Variants in CACNA1G observed in about 807,000 individuals in gnomAD.
CACNA1G encodes calcium voltage-gated channel subunit alpha1 G, also known as voltage-dependent T-type calcium channel subunit alpha-1G.
CACNA1G carries 67 observed loss-of-function variants against 219.4 expected under a neutral mutation model. That is an observed-to-expected ratio of 0.31 (90% CI 0.25 to 0.37). The LOEUF (loss-of-function observed/expected upper bound fraction) is 0.37. Among genes scored for constraint, CACNA1G ranks in the 10% least tolerant of loss-of-function variants. The pLI, the probability that CACNA1G is intolerant of heterozygous loss-of-function variation, is 1.00. For missense variants in CACNA1G, 2,380 were observed against 3,231.4 expected (o/e 0.74, Z 6.39); for synonymous variants, 1,296 against 1,345.3 (o/e 0.96, Z 0.80).
In CACNA1G at chr17:50,600,683, C is replaced by G. The variant is rs2046443198; in HGVS notation, c.3691-43C>G. 3 of 1,554,374 alleles carry G rather than the reference C, an allele frequency of 1.9e-6. No homozygotes were observed. The highest frequency in any genetic ancestry group is 2.7e-5 in the African/African-American group (2 of 73,790). ...GCTGAGGAGCCAGGAGCCGGGGAAC[C>G]TGGAGGCCTGGTCCTGCTCATACTC... On this transcript the variant is annotated intron_variant, in intron 17 of 37. Transcript: ENST00000359106. This position sits in a 1 kb window ranked among gnomAD's most constrained non-coding sequence, Gnocchi z 4.1.
chr17:50,582,495 A>T (rs947137336), intron 9 of CACNA1G, among the ~76,000 whole-genome samples: 4 of 152,154 alleles, frequency 2.6e-5, no homozygotes, highest in Admixed American at 2.6e-4. Flanking sequence ...TGGCTTGAGC[A>T]GATGTGGGCT....
chr17:50,625,030 G>A (rs181511240), intron 37 of CACNA1G, among the ~76,000 whole-genome samples: 3 of 129,206 alleles, frequency 2.3e-5, no homozygotes, highest in African/African-American at 3.0e-5. Flanking sequence ...TTGGCTCCCC[G>A]CAACCTCCGC....
rs2046374447 is a variant in CACNA1G at position 50,600,364 on chromosome 17, CAG to C, written c.3691-360_3691-359del. ...TCCTCAGCTGAGGTGTGTCTCTGAACAGACAGCTGTGTGGGGCCAGTGTTTGA... is the reference window on the plus strand; with the variant it reads ...TCCTCAGCTGAGGTGTGTCTCTGAACACAGCTGTGTGGGGCCAGTGTTTGA... On this transcript the variant is annotated intron_variant, in intron 17 of 37. Transcript: ENST00000359106. This position sits in a 1 kb window ranked among gnomAD's most constrained non-coding sequence, Gnocchi z 4.1. Among the ~76,000 whole-genome samples the C allele has an allele frequency of 6.6e-6, 1 of 152,124 alleles. No homozygotes were observed. The highest frequency in any genetic ancestry group is 2.1e-4 in the South Asian group (1 of 4,828).
Position 50,606,924 on chromosome 17 carries a change from G to A in CACNA1G, c.4447G>A (p.Ala1483Thr), listed in dbSNP as rs1567715256. ...GGCCCTGATGTCCCTGTTCGTTTTG[G>A]CCTCCAAGGATGGTTGGGTGGACAT... ...GQALMSLFVL[A>T]SKDGWVDIMY... The change falls in exon 24 of 38, where the codon GCC becomes ACC. Residue 1483 changes from alanine to threonine, a missense_variant. Transcript: ENST00000359106. 6.2e-7 allele frequency: 1 copy of A among 1,613,874 alleles called. No individual in the cohort carries two copies. The highest frequency in any genetic ancestry group is 8.5e-7 in the Non-Finnish European group (1 of 1,179,766).
At chr17:50,607,508 T>A (rs2412331) in intron 24 of CACNA1G, 264,780 of 328,624 alleles carry the variant, frequency 0.81, 107,741 homozygotes, top group East Asian at 0.99. Context: ...AAAGAAAAAA[T>A]AATGGTGAGT....
In CACNA1G at chr17:50,609,992, C is replaced by T. The variant is rs370131393; in HGVS notation, c.4759+57C>T. The T allele has an allele frequency of 4.6e-6, 7 of 1,522,346 alleles. No individual in the cohort carries two copies. The East Asian group carries it at 9.0e-5, about 20-fold the overall frequency. 94.3% of individuals were successfully genotyped at this position (1,522,346 alleles called of 1,614,324 possible). On this transcript the variant is annotated intron_variant, in intron 26 of 37. Coordinates refer to ENST00000359106, the MANE Select transcript of CACNA1G (RefSeq NM_018896.5). ...TGGGGACATGCTCTTCACTCCCTCC[C>T]CGTGGCTCATTGATTCTATCCTCTT... is the stretch of plus-strand genomic sequence containing the variant.
chr17:50,602,749 G>T (rs2047007339), intron 19 of CACNA1G, 71 bp from the exon 20 acceptor site: 3 of 1,373,090 alleles, frequency 2.2e-6, no homozygotes, highest in Non-Finnish European at 2.1e-6. Context: ...TTTGACTTGT[G>T]TATGCAGAGC....
chr17:50,568,596 T>C (rs1303851944), intron 1 of CACNA1G, among the ~76,000 whole-genome samples: 2 of 152,228 alleles, frequency 1.3e-5, no homozygotes, highest in Non-Finnish European at 2.9e-5. Context: ...ATTCCCCAAA[T>C]GGCTTGTGCA....
intron 9 of CACNA1G, among the ~76,000 whole-genome samples, chr17:50,589,197 C>A (rs1243509285): frequency 1.3e-5 from 2 of 152,062 alleles, no homozygotes; most frequent in Non-Finnish European, 2.9e-5. Context: ...CTGGCCACAC[C>A]CCTCCCTTCT....
intron 13 of CACNA1G, among the ~76,000 whole-genome samples, chr17:50,593,371 C>A (rs536355279): frequency 6.6e-6 from 1 of 152,250 alleles, no homozygotes; most frequent in Non-Finnish European, 1.5e-5. Flanking sequence ...GAAAAATTCC[C>A]GTGCAACTCT....
At position 50,617,803 on chromosome 17, in the gene CACNA1G, A is replaced by G; in HGVS notation, c.5156-56A>G. 6.3e-7 allele frequency: 1 copy of G among 1,590,026 alleles called. No individual in the cohort carries two copies. Among genetic ancestry groups the G allele is most frequent in the Middle Eastern group, 2.1e-4 (1 of 4,824 alleles). Reference sequence around the variant, plus strand: ...GCCCAGCCCTGGTCCTGACTCTGCCAGCTGTCTGGCCGGGGACCCAAAGAG... The same window carrying G: ...GCCCAGCCCTGGTCCTGACTCTGCCGGCTGTCTGGCCGGGGACCCAAAGAG... On this transcript the variant is annotated intron_variant, in intron 29 of 37. Transcript: ENST00000359106. The surrounding 1 kb of genome is among the most constrained non-coding windows in gnomAD (Gnocchi z 5.8).
At chr17:50,580,731 GTTTTGTCC>G (rs2041775760) in intron 9 of CACNA1G, among the ~76,000 whole-genome samples, 1 of 152,168 alleles carries the variant, frequency 6.6e-6, no homozygotes. Context: ...TCCAGGGAGG[GTTTTGTCC>G]GCATACCTGG....
rs1336991988 is a variant in CACNA1G at position 50,621,384 on chromosome 17, C to T, written c.5926-276C>T. Among the ~76,000 whole-genome samples the T allele has an allele frequency of 4.6e-5, 7 of 151,856 alleles. No individual in the cohort carries two copies. Among genetic ancestry groups the T allele is most frequent in the African/African-American group, 1.2e-4 (5 of 41,340 alleles). ...AGGCTCCTGGGGTATCTTTAGAATG[C>T]GTTTCTGTGTCTCCTCGCTTTGTCA... is the stretch of plus-strand genomic sequence containing the variant. On this transcript the variant is annotated intron_variant, in intron 34 of 37. Coordinates refer to ENST00000359106, the MANE Select transcript of CACNA1G (RefSeq NM_018896.5). The surrounding 1 kb of genome is among the most constrained non-coding windows in gnomAD (Gnocchi z 4.6).
intron 16 of CACNA1G, 144 bp from the exon 17 acceptor site, chr17:50,599,284 A>T: frequency 1.3e-6 from 1 of 752,552 alleles, no homozygotes; most frequent in Non-Finnish European, 2.1e-6. Context: ...CCAGGATCTG[A>T]ACCCAGGCAT....
chr17:50,614,781 T>G (rs1015076782), intron 26 of CACNA1G, among the ~76,000 whole-genome samples: 1 of 152,172 alleles, frequency 6.6e-6, no homozygotes, highest in East Asian at 1.9e-4. Flanking sequence ...CTCACTGACA[T>G]GAGGGTACAG....
At chr17:50,604,952 G>C (rs78895250) in intron 22 of CACNA1G, among the ~76,000 whole-genome samples, 1,879 of 145,010 alleles carry the variant, frequency 0.013, 30 homozygotes, top group Admixed American at 0.034. Flanking sequence ...TCCCCTCCCC[G>C]CCCCTCGTTC....
In CACNA1G at chr17:50,596,265, A is replaced by G. The variant is rs960538647; in HGVS notation, c.2980-297A>G. Among the ~76,000 whole-genome samples the G allele has an allele frequency of 6.6e-6, 1 of 151,940 alleles. No homozygotes were observed. Among genetic ancestry groups the G allele is most frequent in the Non-Finnish European group, 1.5e-5 (1 of 67,988 alleles). ...GGCCTGTGCCACCTGCCACCTAGCT[A>G]CCCCTTCTCTCCCCAGCCAGCCTTG... On this transcript the variant is annotated intron_variant, in intron 14 of 37. Transcript: ENST00000359106. This position sits in a 1 kb window ranked among gnomAD's most constrained non-coding sequence, Gnocchi z 4.8.
At chr17:50,580,320 C>T (rs1425925262) in intron 9 of CACNA1G, among the ~76,000 whole-genome samples, 1 of 152,136 alleles carries the variant, frequency 6.6e-6, no homozygotes, top group Non-Finnish European at 1.5e-5. Context: ...CAGCCCCTAA[C>T]CTCCCATTAC....
intron 19 of CACNA1G, 39 bp from the exon 20 acceptor site, chr17:50,602,781 G>C: frequency 1.1e-5 from 17 of 1,599,650 alleles, no homozygotes; most frequent in Non-Finnish European, 1.1e-5. Context: ...AAGGGTGGGG[G>C]CTTCCTGGCG....
Sources: allele counts gnomAD v4.1 joint callset (sites outside exome capture counted in the v4.1 genomes callset), GRCh38; gene constraint gnomAD v4.1.1; non-coding constraint Gnocchi (gnomAD v3.1); transcripts MANE v1.5; gene names NCBI Gene and HGNC (gene_info 2026-07-23, HGNC 2026-07-21).